Variants in CTH observed in about 807,000 individuals in gnomAD.
CTH encodes the protein cystathionine gamma-lyase.
CTH carries 41 observed loss-of-function variants against 50.6 expected under a neutral mutation model. The ratio of observed to expected loss-of-function variants is 0.81; its 90% CI spans 0.63 to 1.05. CTH has a LOEUF of 1.05. Among genes scored for constraint, CTH ranks in the 50% least tolerant of loss-of-function variants. The probability of loss-of-function intolerance (pLI) is 0.00; values close to 1 mark genes in which losing one functional copy is unlikely to be tolerated. For missense variants in CTH, 470 were observed against 492.6 expected (o/e 0.95, Z 0.43); for synonymous variants, 156 against 168.9 (o/e 0.92, Z 0.59).
At chr1:70,415,179 T>C (rs1412142147) in intron 1 of CTH, among the ~76,000 whole-genome samples, 2 of 152,126 alleles carry the variant, frequency 1.3e-5, no homozygotes, top group East Asian at 1.9e-4. Context: ...TGTGGGAAGA[T>C]TGCTTGAGGT....
chr1:70,438,776 G>C lies in CTH; in HGVS notation c.1141G>C (p.Glu381Gln). Residue 381 changes from glutamate to glutamine, a missense_variant, in exon 11 of 12, where the codon GAG becomes CAG. Coordinates refer to ENST00000370938, the MANE Select transcript of CTH (RefSeq NM_001902.6). ...DTLIRLSVGL[E>Q]DEEDLLEDLD... The stretch of plus-strand genomic sequence containing the variant: ...ACTGATTCGACTTTCTGTGGGCTTA[G>C]AGGATGAGGAAGACCTACTGGAAGA... 1 of 1,614,012 alleles carries C rather than the reference G, an allele frequency of 6.2e-7. No individual in the cohort carries two copies.
Position 70,429,674 on chromosome 1 carries a change from A to T in CTH, c.589-120A>T, listed in dbSNP as rs1025615860. Reference sequence around the variant, plus strand: ...GATCCTGGAAAATTTTAAGATGCACATACTTTTGCAAAGTTAGTATTGATT... The same window carrying T: ...GATCCTGGAAAATTTTAAGATGCACTTACTTTTGCAAAGTTAGTATTGATT... On this transcript the variant is annotated intron_variant, in intron 5 of 11. Transcript: ENST00000370938. 2.7e-5 allele frequency: 20 copies of T among 731,734 alleles called. No individual in the cohort carries two copies. The African/African-American group carries it at 3.4e-4, about 12-fold the overall frequency. 45.3% of individuals were successfully genotyped at this position (731,734 alleles called of 1,614,324 possible).
intron 11 of CTH, 110 bp downstream of exon 11, chr1:70,438,936 C>T: frequency 6.3e-7 from 1 of 1,598,628 alleles, no homozygotes; most frequent in Non-Finnish European, 8.5e-7. Context: ...AACTCTAAAG[C>T]TTTTCTGTTC....
At chr1:70,419,776 G>C (rs1684173244) in intron 3 of CTH, among the ~76,000 whole-genome samples, 2 of 152,148 alleles carry the variant, frequency 1.3e-5, no homozygotes, top group African/African-American at 4.8e-5. Flanking sequence ...GAGAAGACAG[G>C]CTTGCCCTTG....
At chr1:70,434,746 A>ATAT (rs1684557297) in intron 9 of CTH, 2 of 131,316 alleles carry the variant, frequency 1.5e-5, no homozygotes, top group Admixed American at 1.5e-4. Flanking sequence ...AAATGCAATA[A>ATAT]TTTTTTTTTT....
rs756277614 is a variant in CTH at position 70,438,758 on chromosome 1, C to T, written c.1123C>T (p.Arg375Ter). The change falls in exon 11 of 12, where the codon CGA becomes TGA. Residue 375 changes from arginine to a stop codon, truncating the protein, a stop_gained. Transcript: ENST00000370938. LOFTEE classifies it high-confidence loss of function. ...DVLGISDTLI[R>*]LSVGLEDEED... ...CCTTGGAATTAGTGACACACTGATTCGACTTTCTGTGGGCTTAGAGGATGA... is the reference window on the plus strand; with the variant it reads ...CCTTGGAATTAGTGACACACTGATTTGACTTTCTGTGGGCTTAGAGGATGA... 20 of 1,613,470 alleles carry T rather than the reference C, an allele frequency of 1.2e-5. No individual in the cohort carries two copies. Among genetic ancestry groups the T allele is most frequent in the Admixed American group, 3.3e-5 (2 of 59,918 alleles).
chr1:70,427,869 C>T (rs1388198497), intron 5 of CTH, among the ~76,000 whole-genome samples: 1 of 151,568 alleles, frequency 6.6e-6, no homozygotes, highest in South Asian at 2.1e-4. Context: ...TCCACCACCA[C>T]CCCCCGCTAA....
In CTH at chr1:70,430,302, G is replaced by T. The variant is rs140590694; in HGVS notation, c.647-15G>T. On this transcript the variant is annotated splice_polypyrimidine_tract_variant and intron_variant, in intron 6 of 11. Transcript: ENST00000370938. ...AACTGAAATTTTTGTTTGTTTGTTT[G>T]TTTTTTGTTTTTAGGCCACAGTGAT... 1.3e-6 allele frequency: 2 copies of T among 1,493,752 alleles called. No homozygotes were observed. Among genetic ancestry groups the T allele is most frequent in the Admixed American group, 1.7e-5 (1 of 59,772 alleles). The allele number at this position is 1,493,752 out of a possible 1,614,324, so 92.5% of individuals were successfully genotyped here.
At position 70,424,293 on chromosome 1, in the gene CTH, G is replaced by T; in HGVS notation, c.465G>T (p.Trp155Cys). The change falls in exon 5 of 12, where the codon TGG (tryptophan) becomes TGT (cysteine). Residue 155 changes from tryptophan (W) to cysteine (C), a missense_variant. By Grantham distance (215) the Trp-to-Cys change is radical. Coordinates refer to ENST00000370938, the MANE Select transcript of CTH (RefSeq NM_001902.6). ...TTGCTGAATTATTTTAGCTTGTTTG[G>T]ATCGAAACCCCCACAAACCCCACCC... ...AAITPETKLV[W>C]IETPTNPTQK... 1 of 1,613,956 alleles carries T rather than the reference G, an allele frequency of 6.2e-7. No individual in the cohort carries two copies. The highest frequency in any genetic ancestry group is 8.5e-7 in the Non-Finnish European group (1 of 1,179,958).
chr1:70,423,246 C>T (rs1029531164), intron 4 of CTH, among the ~76,000 whole-genome samples: 4 of 151,750 alleles, frequency 2.6e-5, no homozygotes, highest in Non-Finnish European at 4.4e-5. Flanking sequence ...GAGTTTAAAC[C>T]AGATCTCTTG....
intron 4 of CTH, among the ~76,000 whole-genome samples, chr1:70,422,879 C>A (rs749167774): frequency 6.6e-6 from 1 of 151,874 alleles, no homozygotes; most frequent in Admixed American, 6.6e-5. Flanking sequence ...CAAAGTGCTG[C>A]GATTACAGGC....
intron 7 of CTH, among the ~76,000 whole-genome samples, chr1:70,431,849 G>C (rs1237984114): frequency 2.6e-5 from 4 of 152,118 alleles, no homozygotes; most frequent in Non-Finnish European, 5.9e-5. Flanking sequence ...ATATCATTGT[G>C]CTTTTACTTA....
rs1276616347 is a variant in CTH at position 70,421,573 on chromosome 1, C to G, written c.354C>G (p.Asn118Lys). 6.2e-7 allele frequency: 1 copy of G among 1,613,736 alleles called. No homozygotes were observed. Among genetic ancestry groups the G allele is most frequent in the African/African-American group, 1.3e-5 (1 of 74,906 alleles). Reference protein sequence around the residue: ...ICMDDVYGGTNRYFRQVASEF... With the variant: ...ICMDDVYGGTKRYFRQVASEF... ...GATTCCCTTCTGTCTCAGGTACAAA[C>G]AGGTACTTCAGGCAAGTGGCATCTG... Residue 118 changes from asparagine (N) to lysine (K), a missense_variant, in exon 4 of 12, where the codon AAC becomes AAG. Physicochemically the swap from Asn to Lys is moderately conservative, Grantham distance 94 (BLOSUM62 0). Transcript: ENST00000370938.
At position 70,429,834 on chromosome 1, in the gene CTH, C is replaced by A. The variant is rs1199181997; in HGVS notation, c.629C>A (p.Ala210Glu). ...GGAGCTGATATTTCTATGTATTCTG[C>A]AACAAAATACATGAATGGTAAGATG... ...ALGADISMYS[A>E]TKYMNGHSDV... is the part of the protein sequence containing the mutation. The change falls in exon 6 of 12, where the codon GCA becomes GAA. Residue 210 changes from alanine (A) to glutamate (E), a missense_variant. Physicochemically the swap from Ala to Glu is moderately radical, Grantham distance 107. Transcript: ENST00000370938. 1 of 1,611,418 alleles carries A rather than the reference C, an allele frequency of 6.2e-7. No individual in the cohort carries two copies. Among genetic ancestry groups the A allele is most frequent in the East Asian group, 2.2e-5 (1 of 44,846 alleles).
intron 1 of CTH, among the ~76,000 whole-genome samples, chr1:70,413,069 G>C (rs944467099): frequency 2.0e-5 from 3 of 151,894 alleles, no homozygotes; most frequent in Non-Finnish European, 4.4e-5. Context: ...ATTAGTTAAA[G>C]TCTGTAAGTC....
chr1:70,431,692 A>G (rs1016625114), intron 7 of CTH, among the ~76,000 whole-genome samples: 1 of 152,232 alleles, frequency 6.6e-6, no homozygotes, highest in African/African-American at 2.4e-5. Flanking sequence ...ATATTAGTAG[A>G]ATATTCAGTA....
chr1:70,418,526 G>A (rs997417395), intron 3 of CTH, among the ~76,000 whole-genome samples: 4 of 152,104 alleles, frequency 2.6e-5, no homozygotes, highest in African/African-American at 4.8e-5. Flanking sequence ...TTGGAATTAC[G>A]GGCGCGAGCC....
At chr1:70,417,173 C>A (rs1285728148) in intron 2 of CTH, among the ~76,000 whole-genome samples, 1 of 151,978 alleles carries the variant, frequency 6.6e-6, no homozygotes, top group African/African-American at 2.4e-5. Flanking sequence ...ACTTATCAGA[C>A]AAATCTCAGG....
chr1:70,436,605 C>G (rs1295024543), intron 10 of CTH, among the ~76,000 whole-genome samples: 1 of 151,536 alleles, frequency 6.6e-6, no homozygotes, highest in Admixed American at 6.6e-5. Context: ...AAAGTTTAGG[C>G]CTATTTTCTG....
Sources: gnomAD v4.1 joint callset for allele counts (sites outside exome capture counted in the v4.1 genomes callset) on GRCh38, gnomAD v4.1.1 for gene constraint, MANE v1.5 for transcripts, NCBI Gene and HGNC (gene_info 2026-07-23, HGNC 2026-07-21) for gene names.